Variants in MRPL3 observed in about 807,000 individuals in gnomAD.
MRPL3 encodes large ribosomal subunit protein uL3m.
Under a neutral mutation model 44.3 loss-of-function variants are expected in MRPL3, and 43 were observed. That is an observed-to-expected ratio of 0.97 (90% CI 0.76 to 1.25). The LOEUF is 1.25. MRPL3 is among the 50% of genes most tolerant of loss of function. MRPL3 has a pLI of 0.00. For synonymous variants in MRPL3, 171 were observed against 152.3 expected, an observed-to-expected ratio of 1.12 and a Z score of -0.91; for missense variants, 406 against 427.6, an observed-to-expected ratio of 0.95 and a Z score of 0.45.
chr3:131,502,478 GCTCA>G (rs1934519874), intron 1 of MRPL3, among the ~76,000 whole-genome samples: 1 of 152,222 alleles, frequency 6.6e-6, no homozygotes, highest in Non-Finnish European at 1.5e-5. Context: ...CCTGGCAAAC[GCTCA>G]CTAATTGTAA....
At chr3:131,489,767 CAA>C (rs1934207190) in intron 5 of MRPL3, among the ~76,000 whole-genome samples, 1 of 149,470 alleles carries the variant, frequency 6.7e-6, no homozygotes, top group Admixed American at 6.7e-5. Context: ...ACATTAAAAA[CAA>C]AAGTGTTCCT....
At chr3:131,498,096 TG>T in intron 4 of MRPL3, 82 bp downstream of exon 4, 1 of 1,003,024 alleles carries the variant, frequency 1.0e-6, no homozygotes, top group Non-Finnish European at 1.6e-6. Flanking sequence ...TTTGTGGCTG[TG>T]GAACAATCTC....
intron 4 of MRPL3, among the ~76,000 whole-genome samples, chr3:131,495,059 A>G (rs1934337526): frequency 6.6e-6 from 1 of 152,238 alleles, no homozygotes; most frequent in South Asian, 2.1e-4. Flanking sequence ...AATAAGGTAC[A>G]AAACAAAAAG....
At chr3:131,484,891 G>A (rs1934082223) in intron 6 of MRPL3, among the ~76,000 whole-genome samples, 1 of 152,190 alleles carries the variant, frequency 6.6e-6, no homozygotes, top group Non-Finnish European at 1.5e-5. Context: ...AATACCTCAT[G>A]AAGATATGCA....
intron 9 of MRPL3, among the ~76,000 whole-genome samples, chr3:131,466,655 A>T (rs557832273): frequency 6.8e-6 from 1 of 147,348 alleles, no homozygotes; most frequent in Non-Finnish European, 1.5e-5. Context: ...TGGTTTGTCA[A>T]AGTAACTCTT....
At chr3:131,479,249 C>T (rs1010089224) in intron 6 of MRPL3, 2 of 509,986 alleles carry the variant, frequency 3.9e-6, no homozygotes, top group Non-Finnish European at 7.8e-6. Flanking sequence ...ATTAAGTTTT[C>T]ACTTTCTCTC....
At chr3:131,478,708 ATTTT>A (rs68160977) in intron 6 of MRPL3, among the ~76,000 whole-genome samples, 1 of 135,788 alleles carries the variant, frequency 7.4e-6, no homozygotes, top group Admixed American at 7.5e-5. Flanking sequence ...GAAATATTCG[ATTTT>A]TTTTTTTTTT....
intron 9 of MRPL3, among the ~76,000 whole-genome samples, chr3:131,466,326 G>A (rs1050836370): frequency 6.6e-6 from 1 of 152,018 alleles, no homozygotes; most frequent in Non-Finnish European, 1.5e-5. Flanking sequence ...GAGAACAGCT[G>A]ACATAACTTC....
At chr3:131,485,681 T>A (rs1934102232) in intron 6 of MRPL3, among the ~76,000 whole-genome samples, 1 of 151,984 alleles carries the variant, frequency 6.6e-6, no homozygotes, top group South Asian at 2.1e-4. Flanking sequence ...GTTTACAATC[T>A]CTTTAAAAAG....
At position 131,489,642 on chromosome 3, in the gene MRPL3, C is replaced by T. The variant is rs547724626; in HGVS notation, c.568+339G>A. Reference sequence around the variant, plus strand: ...TATTATATTTTCTCCAGTTCTTCTACCTAAGCAAGAGCCTGGCTATTTTTC... The same window carrying T: ...TATTATATTTTCTCCAGTTCTTCTATCTAAGCAAGAGCCTGGCTATTTTTC... On this transcript the variant is annotated intron_variant, in intron 5 of 9. Coordinates refer to ENST00000264995, the MANE Select transcript of MRPL3 (RefSeq NM_007208.4). 7.9e-5 allele frequency among the ~76,000 whole-genome samples: 12 copies of T among 152,094 alleles called. No homozygotes were observed. The South Asian group carries it at 2.3e-3, about 29-fold the overall frequency.
rs116575427 is a variant in MRPL3, at chr3:131,463,303, C to T, written c.895-428G>A. Among the ~76,000 whole-genome samples, 1,218 of 151,856 alleles carry T rather than the reference C, an allele frequency of 8.0e-3. 5 individuals are homozygous for T. Among genetic ancestry groups the T allele is most frequent in the Non-Finnish European group, 0.012 (831 of 67,934 alleles). On this transcript the variant is annotated intron_variant, in intron 9 of 9. Transcript: ENST00000264995. ...ACCTCTTATTAAGGAAATCAGCTTA[C>T]ATTTTTCTTCCCCTACCAAAAGAGT...
At chr3:131,487,575 T>C (rs1343272523) in intron 6 of MRPL3, 105 bp downstream of exon 6, 1 of 885,556 alleles carries the variant, frequency 1.1e-6, no homozygotes, top group Non-Finnish European at 1.8e-6. Flanking sequence ...AGAAATATAT[T>C]TATCCTTTAT....
intron 6 of MRPL3, among the ~76,000 whole-genome samples, chr3:131,481,280 T>C (rs1582709834): frequency 6.6e-6 from 1 of 152,372 alleles, no homozygotes; most frequent in East Asian, 1.9e-4. Flanking sequence ...ATGTTTTCTA[T>C]TCATTTCGAA....
At chr3:131,496,382 A>T (rs73870982) in intron 4 of MRPL3, among the ~76,000 whole-genome samples, 1 of 152,252 alleles carries the variant, frequency 6.6e-6, no homozygotes, top group Non-Finnish European at 1.5e-5. Flanking sequence ...ATATTATGAC[A>T]AAGCTTTAAA....
At chr3:131,464,613 G>A (rs1272458688) in intron 9 of MRPL3, among the ~76,000 whole-genome samples, 11 of 152,006 alleles carry the variant, frequency 7.2e-5, no homozygotes, top group Admixed American at 3.9e-4. Context: ...ATGATATATA[G>A]GACACAGGAA....
chr3:131,477,724 A>G (rs1048015430), intron 6 of MRPL3, among the ~76,000 whole-genome samples: 2 of 152,222 alleles, frequency 1.3e-5, no homozygotes, highest in African/African-American at 4.8e-5. Flanking sequence ...TCTCTAAAAG[A>G]TAAGAATACT....
chr3:131,500,311 TC>T (rs2110717246), intron 3 of MRPL3, 118 bp downstream of exon 3: 1 of 750,470 alleles, frequency 1.3e-6, no homozygotes, highest in East Asian at 2.6e-5. Context: ...ATGTTCAACA[TC>T]ACCCCTTTCT....
intron 6 of MRPL3, chr3:131,487,237 G>A (rs1934146396): frequency 6.4e-6 from 1 of 157,302 alleles, no homozygotes; most frequent in African/African-American, 2.4e-5. Context: ...ACTCATAGGT[G>A]GGAATTGAAC....
At chr3:131,492,775 T>C (rs761976251) in intron 4 of MRPL3, among the ~76,000 whole-genome samples, 5 of 152,178 alleles carry the variant, frequency 3.3e-5, no homozygotes, top group Non-Finnish European at 7.3e-5. Context: ...AGAGACTTGC[T>C]TTAGTTGCTG....
Sources: gnomAD v4.1 joint callset for allele counts (sites outside exome capture counted in the v4.1 genomes callset) on GRCh38, gnomAD v4.1.1 for gene constraint, MANE v1.5 for transcripts, NCBI Gene and HGNC (gene_info 2026-07-23, HGNC 2026-07-21) for gene names.